MICU2: variants seen among roughly 807,000 people sequenced by gnomAD.
MICU2 encodes the protein calcium uptake protein 2, mitochondrial.
MICU2 carries 64 observed loss-of-function variants against 60.4 expected under a neutral mutation model. The observed-to-expected ratio is 1.06, with a 90% CI of 0.87 to 1.31. The LOEUF is 1.31. Among genes scored for constraint, MICU2 ranks in the 50% most tolerant of loss-of-function variants. MICU2 has a pLI of 0.00. For synonymous variants in MICU2, 201 were observed against 175.0 expected (o/e 1.15, Z -1.17); for missense variants, 569 against 531.0 (o/e 1.07, Z -0.70).
At chr13:21,531,238 T>A (rs1185246199) in intron 4 of MICU2, 1 of 1,172,466 alleles carries the variant, frequency 8.5e-7, no homozygotes, top group Admixed American at 1.7e-5. Flanking sequence ...AAGGACACTA[T>A]AAGAAAGGAA....
At chr13:21,516,041 T>C (rs1455955909) in intron 6 of MICU2, among the ~76,000 whole-genome samples, 3 of 152,184 alleles carry the variant, frequency 2.0e-5, no homozygotes, top group Admixed American at 6.5e-5. Flanking sequence ...GTAAACATTA[T>C]TAATCTTCAA....
In MICU2 at chr13:21,573,296, C is replaced by T. The variant is rs555186198; in HGVS notation, c.211-6352G>A. Reference sequence around the variant, plus strand: ...CATTTTTTTGTTTTTTTTTTTGAGACGGAGTCTCACTCTGTCATCCAGGCT... The same window carrying T: ...CATTTTTTTGTTTTTTTTTTTGAGATGGAGTCTCACTCTGTCATCCAGGCT... On this transcript the variant is annotated intron_variant, in intron 1 of 11. Coordinates refer to ENST00000382374, the MANE Select transcript of MICU2 (RefSeq NM_152726.3). Among the ~76,000 whole-genome samples the T allele has an allele frequency of 5.3e-5, 8 of 151,076 alleles. No individual in the cohort carries two copies. In the Middle Eastern group the frequency reaches 0.01, roughly 195 times the overall value.
intron 4 of MICU2, among the ~76,000 whole-genome samples, chr13:21,527,100 T>C (rs1335133553): frequency 6.6e-6 from 1 of 152,204 alleles, no homozygotes; most frequent in Non-Finnish European, 1.5e-5. Flanking sequence ...AGGTGTACTT[T>C]TCTTTAACAA....
chr13:21,544,901 C>T (rs1367462804), intron 2 of MICU2, among the ~76,000 whole-genome samples: 1 of 152,172 alleles, frequency 6.6e-6, no homozygotes, highest in Admixed American at 6.5e-5. Flanking sequence ...ATCCTCCCAC[C>T]TCAGCCTCCC....
intron 6 of MICU2, chr13:21,515,638 C>A: frequency 2.7e-6 from 1 of 374,930 alleles, no homozygotes; most frequent in Non-Finnish European, 5.4e-6. Flanking sequence ...ACTATGGATT[C>A]AAATCAATTA....
At chr13:21,565,672 C>A (rs1414142864) in intron 2 of MICU2, among the ~76,000 whole-genome samples, 2 of 150,354 alleles carry the variant, frequency 1.3e-5, no homozygotes, top group African/African-American at 4.9e-5. Flanking sequence ...AACAAACAAA[C>A]AAAAACAAAA....
intron 1 of MICU2, among the ~76,000 whole-genome samples, chr13:21,600,405 AC>A (rs1888787675): frequency 6.6e-6 from 1 of 152,096 alleles, no homozygotes. Flanking sequence ...GGAAACCAAG[AC>A]TTTGTGAAAT....
intron 1 of MICU2, among the ~76,000 whole-genome samples, chr13:21,596,378 G>A (rs1480437091): frequency 6.6e-6 from 1 of 150,924 alleles, no homozygotes; most frequent in Non-Finnish European, 1.5e-5. Flanking sequence ...CTTGCATTAT[G>A]CAAAGCAGCT....
intron 1 of MICU2, among the ~76,000 whole-genome samples, chr13:21,590,810 G>A (rs766351062): frequency 1.8e-4 from 28 of 152,128 alleles, no homozygotes; most frequent in African/African-American, 5.3e-4. Context: ...AGCCAAGATC[G>A]CGCCACTGCA....
In MICU2 at chr13:21,604,111, G is replaced by A. The variant is rs755959055; in HGVS notation, c.38C>T (p.Ala13Val). The A allele has an allele frequency of 3.8e-4, 603 of 1,580,336 alleles. No homozygotes were observed. Among genetic ancestry groups the A allele is most frequent in the Non-Finnish European group, 4.8e-4 (560 of 1,165,438 alleles). ...AAAGSCARVAAWGGKLRRGLA... is the reference protein window; with the variant it reads ...AAAGSCARVAVWGGKLRRGLA... ...CCCCCGTCGCAGTTTTCCGCCCCAGGCCGCCACCCGCGCGCAGCTACCCGC... is the reference window on the plus strand; with the variant it reads ...CCCCCGTCGCAGTTTTCCGCCCCAGACCGCCACCCGCGCGCAGCTACCCGC... The change falls in exon 1 of 12, where the codon GCC (alanine) becomes GTC (valine). Residue 13 changes from alanine to valine, a missense_variant. Physicochemically the swap from Ala to Val is moderately conservative, Grantham distance 64 (BLOSUM62 0). Transcript: ENST00000382374.
intron 2 of MICU2, among the ~76,000 whole-genome samples, chr13:21,566,401 T>C (rs543972629): frequency 2.0e-5 from 3 of 152,350 alleles, no homozygotes; most frequent in South Asian, 2.1e-4. Context: ...CATGTAATTA[T>C]AGTTTTTCAA....
At chr13:21,498,896 G>T (rs1886072512) in intron 9 of MICU2, among the ~76,000 whole-genome samples, 1 of 152,012 alleles carries the variant, frequency 6.6e-6, no homozygotes, top group Non-Finnish European at 1.5e-5. Context: ...GTAGGCACTG[G>T]ATGCAACTTT....
intron 9 of MICU2, among the ~76,000 whole-genome samples, chr13:21,499,107 C>A (rs546870121): frequency 6.6e-6 from 1 of 152,110 alleles, no homozygotes; most frequent in African/African-American, 2.4e-5. Flanking sequence ...TGCGCCACCA[C>A]GCCCCGCTAA....
At chr13:21,591,165 A>C (rs1888574123) in intron 1 of MICU2, among the ~76,000 whole-genome samples, 1 of 152,126 alleles carries the variant, frequency 6.6e-6, no homozygotes, top group Non-Finnish European at 1.5e-5. Flanking sequence ...GGCTCAAAAT[A>C]AAGGGATGGA....
chr13:21,521,837 C>G (rs1169663481), intron 5 of MICU2, among the ~76,000 whole-genome samples: 1 of 152,186 alleles, frequency 6.6e-6, no homozygotes, highest in Non-Finnish European at 1.5e-5. Context: ...AGTGCAGTAC[C>G]GTGATCACAG....
chr13:21,592,441 G>A (rs1888604068), intron 1 of MICU2, among the ~76,000 whole-genome samples: 1 of 152,124 alleles, frequency 6.6e-6, no homozygotes, highest in Admixed American at 6.6e-5. Flanking sequence ...AATACAAAGA[G>A]GAGTTGGTAC....
At chr13:21,586,824 C>T (rs1381337797) in intron 1 of MICU2, among the ~76,000 whole-genome samples, 1 of 152,172 alleles carries the variant, frequency 6.6e-6, no homozygotes, top group Admixed American at 6.5e-5. Flanking sequence ...GTCACTAAAT[C>T]TTTCTAGTAT....
intron 9 of MICU2, among the ~76,000 whole-genome samples, chr13:21,498,870 C>T (rs755968524): frequency 2.6e-5 from 4 of 151,824 alleles, no homozygotes; most frequent in Non-Finnish European, 5.9e-5. Flanking sequence ...GTGGCTGCTT[C>T]TATCATGACC....
chr13:21,497,289 C>T (rs1395401880), intron 9 of MICU2, among the ~76,000 whole-genome samples: 9 of 151,880 alleles, frequency 5.9e-5, no homozygotes, highest in Admixed American at 1.3e-4. Flanking sequence ...TGTTTAAACC[C>T]GTGAGGCGGA....
Sources: allele counts gnomAD v4.1 joint callset (sites outside exome capture counted in the v4.1 genomes callset), GRCh38; gene constraint gnomAD v4.1.1; transcripts MANE v1.5; gene names NCBI Gene and HGNC (gene_info 2026-07-23, HGNC 2026-07-21).